GON4L: variants seen among roughly 807,000 people sequenced by gnomAD.
GON4L encodes gon-4 like, also known as GON-4-like protein.
A neutral mutation model predicts 211.8 loss-of-function variants in GON4L; 87 were observed. The observed-to-expected ratio is 0.41, with a 90% confidence interval of 0.35 to 0.49. The LOEUF is 0.49. Among genes scored for constraint, GON4L ranks in the 20% least tolerant of loss-of-function variants. The pLI is 0.15. For synonymous variants in GON4L, 875 were observed against 962.6 expected (o/e 0.91, Z 1.68); for missense variants, 2,155 against 2,659.5 (o/e 0.81, Z 4.17).
chr1:155,779,566 C>T (rs1037760002), intron 14 of GON4L, among the ~76,000 whole-genome samples: 1 of 152,050 alleles, frequency 6.6e-6, no homozygotes, highest in African/African-American at 2.4e-5. Flanking sequence ...CCACCTGCCT[C>T]GGCCTCCCAA....
At chr1:155,825,860 C>T (rs547587378) in intron 3 of GON4L, among the ~76,000 whole-genome samples, 7 of 102,318 alleles carry the variant, frequency 6.8e-5, no homozygotes, top group East Asian at 4.4e-4. Flanking sequence ...CTGGCCAACA[C>T]GGTGAAACCC....
chr1:155,856,625 G>A (rs1672306990), intron 1 of GON4L, among the ~76,000 whole-genome samples: 2 of 152,198 alleles, frequency 1.3e-5, no homozygotes, highest in South Asian at 4.1e-4. Context: ...TTAAAACTCA[G>A]TAACTAAAGC....
chr1:155,810,984 A>G (rs967557220), intron 10 of GON4L, among the ~76,000 whole-genome samples: 3 of 152,062 alleles, frequency 2.0e-5, no homozygotes, highest in Non-Finnish European at 4.4e-5. Flanking sequence ...ACACCACCGA[A>G]CTCCAGCCTG....
At chr1:155,820,971 TAATAA>T (rs1229924765) in intron 5 of GON4L, among the ~76,000 whole-genome samples, 4 of 151,652 alleles carry the variant, frequency 2.6e-5, no homozygotes, top group Non-Finnish European at 2.9e-5. Flanking sequence ...AAAATAATAA[TAATAA>T]AATAACAAGG....
At chr1:155,760,036 C>T (rs1342233762) in intron 24 of GON4L, among the ~76,000 whole-genome samples, 3 of 147,472 alleles carry the variant, frequency 2.0e-5, no homozygotes, top group Admixed American at 6.8e-5. Context: ...CTCATGATAA[C>T]GTAAGCTCCA....
chr1:155,837,186 CTTT>C (rs1670387895), intron 2 of GON4L, among the ~76,000 whole-genome samples: 1 of 5,886 alleles, frequency 1.7e-4, no homozygotes, highest in Non-Finnish European at 5.0e-3. Flanking sequence ...CTCTTCCTGT[CTTT>C]CTTTCTGCTC....
intron 2 of GON4L, among the ~76,000 whole-genome samples, chr1:155,834,345 C>G (rs1267534968): frequency 1.3e-5 from 2 of 152,172 alleles, no homozygotes; most frequent in Non-Finnish European, 2.9e-5. Context: ...TGTTCCTTCT[C>G]TGTTATCTTC....
intron 3 of GON4L, among the ~76,000 whole-genome samples, chr1:155,825,912 AG>A (rs753410630): frequency 6.6e-6 from 1 of 151,952 alleles, no homozygotes; most frequent in Non-Finnish European, 1.5e-5. Flanking sequence ...GCATGATGGC[AG>A]GTGCCTGTAA....
rs774219605 is a variant in GON4L at position 155,766,482 on chromosome 1, A to T, written c.2991T>A (p.Arg997=). The change falls in exon 21 of 32, where the codon CGT becomes CGA. Residue 997 remains arginine (R), a synonymous_variant. Transcript: ENST00000368331. ...TAAGGAGGGGCTTCAGGACTGATGA[A>T]CGCTTCTGTCTCCAAGCCTTCCTGG... The part of the protein sequence containing the change: ...RFPRKAWRQK[R]SSVLKPLLIQ... 6.2e-7 allele frequency: 1 copy of T among 1,614,004 alleles called. No homozygotes were observed. Among genetic ancestry groups the T allele is most frequent in the Non-Finnish European group, 8.5e-7 (1 of 1,180,008 alleles).
At chr1:155,837,748 A>G (rs564404657) in intron 2 of GON4L, among the ~76,000 whole-genome samples, 26 of 152,114 alleles carry the variant, frequency 1.7e-4, no homozygotes, top group African/African-American at 5.8e-4. Context: ...CTGAAGGGGG[A>G]AAAAAGGATA....
intron 11 of GON4L, among the ~76,000 whole-genome samples, chr1:155,797,945 G>T (rs376912069): frequency 1.3e-5 from 2 of 151,146 alleles, no homozygotes; most frequent in Non-Finnish European, 2.9e-5. Context: ...GCCAAGTGTC[G>T]TGGTGTGTGC....
intron 1 of GON4L, among the ~76,000 whole-genome samples, chr1:155,856,673 G>A (rs559282943): frequency 4.1e-5 from 6 of 148,060 alleles, no homozygotes; most frequent in African/African-American, 1.6e-4. Flanking sequence ...TCCTGTGAGA[G>A]ATGGTGGTGA....
At chr1:155,787,871 G>A (rs1455316711) in intron 12 of GON4L, among the ~76,000 whole-genome samples, 1 of 152,158 alleles carries the variant, frequency 6.6e-6, no homozygotes, top group Non-Finnish European at 1.5e-5. Context: ...TTAAACCCGG[G>A]AGGCAGAGGC....
chr1:155,773,576 C>G (rs982145972), intron 17 of GON4L, among the ~76,000 whole-genome samples: 1 of 152,180 alleles, frequency 6.6e-6, no homozygotes, highest in Non-Finnish European at 1.5e-5. Context: ...TTCAACAATG[C>G]TTTCTTTCTT....
At chr1:155,853,208 G>A (rs546144842) in intron 2 of GON4L, 68 bp downstream of exon 2, 1 of 1,246,554 alleles carries the variant, frequency 8.0e-7, no homozygotes, top group East Asian at 2.3e-5. Context: ...CTCTGTAAAG[G>A]TATCCAGAAA....
chr1:155,795,875 C>T (rs1666022903), intron 11 of GON4L, among the ~76,000 whole-genome samples: 1 of 152,070 alleles, frequency 6.6e-6, no homozygotes. Flanking sequence ...TGGGCTCAAG[C>T]GATCTGAATG....
At position 155,857,139 on chromosome 1, in the gene GON4L, A is replaced by T. The variant is rs1672362174; in HGVS notation, c.-27+8T>A. On this transcript the variant is annotated splice_region_variant and intron_variant, in intron 1 of 31. Coordinates refer to ENST00000368331, the MANE Select transcript of GON4L (RefSeq NM_001282860.2). ...CACCTGCCTCTTCCCACCCCACCAC[A>T]CACAAACCTGTACCCTCACCAGCCG... 6.6e-6 allele frequency: 1 copy of T among 152,206 alleles called. No homozygotes were observed. Among genetic ancestry groups the T allele is most frequent in the Non-Finnish European group, 1.5e-5 (1 of 68,030 alleles). The allele number at this position is 152,206 out of a possible 1,614,324, so 9.4% of individuals were successfully genotyped here.
chr1:155,753,348 C>T lies in GON4L; in HGVS notation c.5698G>A (p.Glu1900Lys). 1 of 1,613,848 alleles carries T rather than the reference C, an allele frequency of 6.2e-7. No individual in the cohort carries two copies. The highest frequency in any genetic ancestry group is 2.2e-5 in the East Asian group (1 of 44,872). The change falls in exon 29 of 32, where the codon GAG (glutamate) becomes AAG (lysine). Residue 1900 changes from glutamate (E) to lysine (K), a missense_variant. Coordinates refer to ENST00000368331, the MANE Select transcript of GON4L (RefSeq NM_001282860.2). ...HELVGSSPHREASPMPGAKEA... is the reference protein window; with the variant it reads ...HELVGSSPHRKASPMPGAKEA... The stretch of plus-strand genomic sequence containing the variant: ...TTAGCACCAGGCATAGGACTAGCCT[C>T]TCGGTGGGGGCTGCTGCCCACCAAC...
chr1:155,830,303 G>A (rs1233974895), intron 2 of GON4L, among the ~76,000 whole-genome samples: 3 of 149,858 alleles, frequency 2.0e-5, no homozygotes, highest in Non-Finnish European at 4.4e-5. Context: ...TTGAGACGGA[G>A]TTCCATTCTT....
Sources: allele counts gnomAD v4.1 joint callset (sites outside exome capture counted in the v4.1 genomes callset), GRCh38; gene constraint gnomAD v4.1.1; transcripts MANE v1.5; gene names NCBI Gene and HGNC (gene_info 2026-07-23, HGNC 2026-07-21).